CHMP2A: variants seen among roughly 807,000 people sequenced by gnomAD.
CHMP2A encodes the protein charged multivesicular body protein 2A.
Under a neutral mutation model 21.8 loss-of-function variants are expected in CHMP2A, and 6 were observed. The observed-to-expected ratio is 0.28, with a 90% CI of 0.15 to 0.54. CHMP2A has a LOEUF of 0.54. Ranked by LOEUF, CHMP2A falls within the 20% of genes least tolerant of loss-of-function variation. The pLI is 0.95. For missense variants in CHMP2A, 303 were observed against 293.9 expected, an observed-to-expected ratio of 1.03 and a Z score of -0.23; for synonymous variants, 125 against 107.0, an observed-to-expected ratio of 1.17 and a Z score of -1.04.
chr19:58,551,632 C>CG lies in CHMP2A; in HGVS notation c.*16dup. On this transcript the variant is annotated 3_prime_UTR_variant, in exon 6 of 6. Coordinates refer to ENST00000312547, the MANE Select transcript of CHMP2A (RefSeq NM_014453.4). Reference sequence around the variant, plus strand: ...GATCCTGGGCATCCACTGGTTATCTCGGAGTGGCAGGGGCACTCAGTCCCT... The same window carrying CG: ...GATCCTGGGCATCCACTGGTTATCTCGGGAGTGGCAGGGGCACTCAGTCCCT... The CG allele has an allele frequency of 1.2e-6, 2 of 1,611,930 alleles. No individual in the cohort carries two copies. Among genetic ancestry groups the CG allele is most frequent in the Non-Finnish European group, 1.7e-6 (2 of 1,178,738 alleles).
At chr19:58,553,984 T>C (rs543466707) in intron 2 of CHMP2A, 61 bp downstream of exon 2, 3 of 1,596,352 alleles carry the variant, frequency 1.9e-6, no homozygotes, top group East Asian at 2.2e-5. Flanking sequence ...TGGTCTCTCT[T>C]GTTCACTGCT....
At chr19:58,554,655 G>C (rs1044763187) in intron 1 of CHMP2A, 2 of 177,848 alleles carry the variant, frequency 1.1e-5, no homozygotes, top group Non-Finnish European at 2.4e-5. Context: ...GGACAGGATG[G>C]GCGGAAACGC....
chr19:58,553,031 T>C lies in CHMP2A; in HGVS notation c.169-593A>G, dbSNP rs534620668. ...TGGTTCCGGCTGTCTCTTACCAGCCTCTTGGCCATAGCTTATAGCTTACCC... is the reference window on the plus strand; with the variant it reads ...TGGTTCCGGCTGTCTCTTACCAGCCCCTTGGCCATAGCTTATAGCTTACCC... On this transcript the variant is annotated intron_variant, in intron 2 of 5. Transcript: ENST00000312547. Among the ~76,000 whole-genome samples, 4 of 151,840 alleles carry C rather than the reference T, an allele frequency of 2.6e-5. No homozygotes were observed. In the East Asian group the frequency reaches 7.7e-4, roughly 29 times the overall value.
chr19:58,551,733 C>T lies in CHMP2A; in HGVS notation c.585G>A (p.Gly195=), dbSNP rs1269079386. The change falls in exon 6 of 6, where the codon GGG becomes GGA. Residue 195 remains glycine (G), a synonymous_variant. Coordinates refer to ENST00000312547, the MANE Select transcript of CHMP2A (RefSeq NM_014453.4). ...TGGSLSVAAG[G]KKAEAAASAL... is the part of the protein sequence containing the mutation. ...CTGAGGCTGCGGCCTCTGCTTTTTT[C>T]CCACCAGCAGCCACACTAAGCGAGC... is the stretch of plus-strand genomic sequence containing the variant. 25 of 1,614,110 alleles carry T rather than the reference C, an allele frequency of 1.5e-5. No individual in the cohort carries two copies. The highest frequency in any genetic ancestry group is 2.1e-5 in the Non-Finnish European group (25 of 1,180,024).
Position 58,552,151 on chromosome 19 carries a change from T to TC in CHMP2A, c.382dup (p.Glu128GlyfsTer3). The TC allele has an allele frequency of 6.2e-7, 1 of 1,614,198 alleles. No homozygotes were observed. Among genetic ancestry groups the TC allele is most frequent in the Non-Finnish European group, 8.5e-7 (1 of 1,180,030 alleles). ...CATGATCTCTGCCTGCCGCTCAAAC[T>TC]CCATCATGATCTTCTGGATCTGGGG... is the stretch of plus-strand genomic sequence containing the variant. On this transcript the variant is annotated frameshift_variant, in exon 4 of 6. Transcript: ENST00000312547. LOFTEE classifies it high-confidence loss of function.
chr19:58,551,581 T>C lies in CHMP2A; in HGVS notation c.*68A>G. 6 of 1,553,450 alleles carry C rather than the reference T, an allele frequency of 3.9e-6. No homozygotes were observed. The highest frequency in any genetic ancestry group is 2.3e-5 in the South Asian group (2 of 86,266). On this transcript the variant is annotated 3_prime_UTR_variant, in exon 6 of 6. Coordinates refer to ENST00000312547, the MANE Select transcript of CHMP2A (RefSeq NM_014453.4). ...GCCTGGAGACTAGTGTCAAATCTCTTTTATTACAGAGGGGTTGTGGTAAAA... is the reference window on the plus strand; with the variant it reads ...GCCTGGAGACTAGTGTCAAATCTCTCTTATTACAGAGGGGTTGTGGTAAAA...
At position 58,552,453 on chromosome 19, in the gene CHMP2A, AG is replaced by A; in HGVS notation, c.169-16del. ...CGAACAGCATCCTGCAGAGTAGACAAGGGTATCAAGGACACAGGAATGAGAT... is the reference window on the plus strand; with the variant it reads ...CGAACAGCATCCTGCAGAGTAGACAAGGTATCAAGGACACAGGAATGAGAT... On this transcript the variant is annotated splice_polypyrimidine_tract_variant and intron_variant, in intron 2 of 5. Coordinates refer to ENST00000312547, the MANE Select transcript of CHMP2A (RefSeq NM_014453.4). 1 of 1,608,860 alleles carries A rather than the reference AG, an allele frequency of 6.2e-7. No homozygotes were observed. Among genetic ancestry groups the A allele is most frequent in the Middle Eastern group, 1.7e-4 (1 of 6,046 alleles).
rs771674134 is a variant in CHMP2A at position 58,552,200 on chromosome 19, A to C, written c.349-15T>G. ...GGCAACTTCAGCTGGAAGTGACAGGAGTGTGAGTGTGATCCCCATGGGTCG... is the reference window on the plus strand; with the variant it reads ...GGCAACTTCAGCTGGAAGTGACAGGCGTGTGAGTGTGATCCCCATGGGTCG... On this transcript the variant is annotated splice_polypyrimidine_tract_variant and intron_variant, in intron 3 of 5. Transcript: ENST00000312547. 5 of 1,614,138 alleles carry C rather than the reference A, an allele frequency of 3.1e-6. No homozygotes were observed. Among genetic ancestry groups the C allele is most frequent in the Non-Finnish European group, 4.2e-6 (5 of 1,180,012 alleles).
chr19:58,551,648 C>T lies in CHMP2A; in HGVS notation c.*1G>A, dbSNP rs1399757183. 6.2e-7 allele frequency: 1 copy of T among 1,612,844 alleles called. No homozygotes were observed. The highest frequency in any genetic ancestry group is 1.3e-5 in the African/African-American group (1 of 74,880). ...TGGTTATCTCGGAGTGGCAGGGGCACTCAGTCCCTCCGCAGGTTCTTAAGC... is the reference window on the plus strand; with the variant it reads ...TGGTTATCTCGGAGTGGCAGGGGCATTCAGTCCCTCCGCAGGTTCTTAAGC... On this transcript the variant is annotated 3_prime_UTR_variant, in exon 6 of 6. Transcript: ENST00000312547.
chr19:58,554,478 C>T (rs1363325786), intron 1 of CHMP2A: 2 of 469,294 alleles, frequency 4.3e-6, no homozygotes, highest in Non-Finnish European at 3.8e-6. Context: ...CGCCATGCCC[C>T]AAAAGAAGTT....
rs1568668148 is a variant in CHMP2A at position 58,554,163 on chromosome 19, T to A, written c.50A>T (p.Gln17Leu). ...GGCACGGTTCAGGGCCCTCTGGTTC[T>A]GCCGCAGTAGCTCCTCTGGCGTCTT... ...RRKTPEELLR[Q>L]NQRALNRAMR... The change falls in exon 2 of 6, where the codon CAG becomes CTG. Residue 17 changes from glutamine to leucine, a missense_variant. Transcript: ENST00000312547. 1 of 1,614,020 alleles carries A rather than the reference T, an allele frequency of 6.2e-7. No homozygotes were observed. The highest frequency in any genetic ancestry group is 8.5e-7 in the Non-Finnish European group (1 of 1,180,022).
chr19:58,552,225 G>T, intron 3 of CHMP2A, 34 bp downstream of exon 3: 1 of 1,614,166 alleles, frequency 6.2e-7, no homozygotes. Flanking sequence ...CCCATGGGTC[G>T]TGGGAGTGGG....
chr19:58,551,577 C>T lies in CHMP2A; in HGVS notation c.*72G>A, dbSNP rs1600085876. 2.7e-5 allele frequency: 41 copies of T among 1,537,962 alleles called. No individual in the cohort carries two copies. The highest frequency in any genetic ancestry group is 3.5e-5 in the Non-Finnish European group (40 of 1,127,142). ...ATGGGCCTGGAGACTAGTGTCAAAT[C>T]TCTTTTATTACAGAGGGGTTGTGGT... is the stretch of plus-strand genomic sequence containing the variant. On this transcript the variant is annotated 3_prime_UTR_variant, in exon 6 of 6. Coordinates refer to ENST00000312547, the MANE Select transcript of CHMP2A (RefSeq NM_014453.4).
chr19:58,554,056 G>C lies in CHMP2A; in HGVS notation c.157C>G (p.Gln53Glu). The C allele has an allele frequency of 6.2e-7, 1 of 1,613,818 alleles. No individual in the cohort carries two copies. The highest frequency in any genetic ancestry group is 1.1e-5 in the South Asian group (1 of 91,084). ...CCACCCACACTCACCATCTGGCCTT[G>C]CTTGGCCATCTTCTTAATGTCTGCA... The part of the protein sequence containing the change: ...IIADIKKMAK[Q>E]GQMDAVRIMA... Residue 53 changes from glutamine (Q) to glutamate (E), a missense_variant, in exon 2 of 6, where the codon CAA becomes GAA. Physicochemically the swap from Gln to Glu is conservative, Grantham distance 29. Transcript: ENST00000312547.
intron 2 of CHMP2A, among the ~76,000 whole-genome samples, chr19:58,553,376 T>G (rs991888208): frequency 2.2e-4 from 32 of 147,224 alleles, no homozygotes; most frequent in Non-Finnish European, 4.2e-4. Context: ...AACTGGTTTT[T>G]TTTTTTTTTT....
intron 2 of CHMP2A, 31 bp from the exon 3 acceptor site, chr19:58,552,469 A>C: frequency 6.3e-7 from 1 of 1,598,386 alleles, no homozygotes; most frequent in South Asian, 1.1e-5. Flanking sequence ...TCAAGGACAC[A>C]GGAATGAGAT....
chr19:58,552,467 A>C (rs1326636958), intron 2 of CHMP2A, 29 bp from the exon 3 acceptor site: 3 of 1,600,804 alleles, frequency 1.9e-6, no homozygotes, highest in South Asian at 2.2e-5. Context: ...TATCAAGGAC[A>C]CAGGAATGAG....
chr19:58,551,597 TGTG>T lies in CHMP2A; in HGVS notation c.*49_*51del, dbSNP rs2053824487. ...CAAATCTCTTTTATTACAGAGGGGT[TGTG>T]GTAAAAGATCCTGGGCATCCACTGG... On this transcript the variant is annotated 3_prime_UTR_variant, in exon 6 of 6. Coordinates refer to ENST00000312547, the MANE Select transcript of CHMP2A (RefSeq NM_014453.4). 3 of 1,585,062 alleles carry T rather than the reference TGTG, an allele frequency of 1.9e-6. No individual in the cohort carries two copies. The highest frequency in any genetic ancestry group is 2.7e-5 in the African/African-American group (2 of 73,966).
intron 4 of CHMP2A, 27 bp downstream of exon 4, chr19:58,552,028 C>G: frequency 1.9e-6 from 3 of 1,614,062 alleles, no homozygotes; most frequent in Non-Finnish European, 2.5e-6. Flanking sequence ...GCAAACATCT[C>G]CACCCTCCCA....
Sources: gnomAD v4.1 joint callset for allele counts (sites outside exome capture counted in the v4.1 genomes callset) on GRCh38, gnomAD v4.1.1 for gene constraint, MANE v1.5 for transcripts, NCBI Gene and HGNC (gene_info 2026-07-23, HGNC 2026-07-21) for gene names.